TENT2: variants seen among roughly 807,000 people sequenced by gnomAD.
TENT2 encodes the protein poly(A) RNA polymerase GLD2.
In TENT2, 44 loss-of-function variants were observed where a neutral mutation model predicts 72.2. The ratio of observed to expected loss-of-function variants is 0.61; its 90% CI spans 0.48 to 0.78. The LOEUF (loss-of-function observed/expected upper bound fraction) is 0.78, where lower values mean the gene tolerates loss of function less well. TENT2 is among the 30% of genes least tolerant of loss of function. TENT2 has a pLI of 0.00. For synonymous variants in TENT2, 212 were observed against 192.5 expected (o/e 1.10, Z -0.84); for missense variants, 541 against 569.6 (o/e 0.95, Z 0.51).
chr5:79,644,527 T>G (rs930686979), intron 7 of TENT2: 1 of 152,190 alleles, frequency 6.6e-6, no homozygotes, highest in Admixed American at 6.5e-5. Flanking sequence ...TTATTATATG[T>G]TGTATATGAT....
chr5:79,655,736 T>A (rs1157965985), intron 10 of TENT2, among the ~76,000 whole-genome samples: 1 of 145,748 alleles, frequency 6.9e-6, no homozygotes, highest in Non-Finnish European at 1.5e-5. Flanking sequence ...TTCTGGTAAG[T>A]AATGATTGAG....
Position 79,623,472 on chromosome 5 carries a change from C to G in TENT2, c.448C>G (p.Pro150Ala). ...TTTAGAACCTAGAGAAATCACACTG[C>G]CTGAGGCCAAAGATAAGGTAATAAT... The part of the protein sequence containing the change: ...AFLEPREITL[P>A]EAKDKLSQQI... Residue 150 changes from proline (P) to alanine (A), a missense_variant, in exon 4 of 15, where the codon CCT (proline) becomes GCT (alanine). Physicochemically the swap from Pro to Ala is conservative, Grantham distance 27. Coordinates refer to ENST00000453514, the MANE Select transcript of TENT2 (RefSeq NM_001114394.3). 1.2e-6 allele frequency: 2 copies of G among 1,603,866 alleles called. No homozygotes were observed. Among genetic ancestry groups the G allele is most frequent in the Non-Finnish European group, 1.7e-6 (2 of 1,173,370 alleles).
intron 4 of TENT2, among the ~76,000 whole-genome samples, chr5:79,634,376 G>A (rs1393175828): frequency 6.6e-6 from 1 of 151,726 alleles, no homozygotes; most frequent in African/African-American, 2.4e-5. Context: ...TTGCTCTGTT[G>A]CCCAGGCTAG....
At chr5:79,643,105 C>A in intron 7 of TENT2, 195 bp downstream of exon 7, 1 of 472,332 alleles carries the variant, frequency 2.1e-6, no homozygotes, top group Non-Finnish European at 2.8e-6. Context: ...CTTTATTGCA[C>A]TTACTGCAAA....
rs539716836 is a variant in TENT2, at chr5:79,679,495, G to A, written c.1209-84G>A. ...TTCAGTGTTCCACAAGAAAATTGGGGTAGGCCTTAGTATTGATACAATAAA... is the reference window on the plus strand; with the variant it reads ...TTCAGTGTTCCACAAGAAAATTGGGATAGGCCTTAGTATTGATACAATAAA... On this transcript the variant is annotated intron_variant, in intron 12 of 14. Transcript: ENST00000453514. The A allele has an allele frequency of 9.5e-5, 81 of 854,410 alleles. No homozygotes were observed. In the African/African-American group the frequency reaches 1.3e-3, roughly 14 times the overall value. 52.9% of individuals were successfully genotyped at this position (854,410 alleles called of 1,614,324 possible). A position where few individuals can be genotyped will look rare whatever the true frequency, so the allele number is the denominator to read the frequency against.
At chr5:79,616,577 C>G (rs1361521546) in intron 1 of TENT2, among the ~76,000 whole-genome samples, 1 of 152,104 alleles carries the variant, frequency 6.6e-6, no homozygotes, top group Non-Finnish European at 1.5e-5. Context: ...CTCAGCCTCC[C>G]AAGGGATTAC....
chr5:79,658,223 T>G (rs1363701509), intron 11 of TENT2, among the ~76,000 whole-genome samples: 2 of 152,190 alleles, frequency 1.3e-5, no homozygotes, highest in Non-Finnish European at 2.9e-5. Context: ...TATGAAGAAT[T>G]ATTATAATGA....
intron 11 of TENT2, among the ~76,000 whole-genome samples, chr5:79,668,470 G>GA (rs1014186987): frequency 1.3e-5 from 2 of 152,124 alleles, no homozygotes; most frequent in African/African-American, 4.8e-5. Context: ...TGAAGTGACA[G>GA]AAAAAACTCT....
At chr5:79,659,568 A>AAGG (rs1561547549) in intron 11 of TENT2, among the ~76,000 whole-genome samples, 1 of 107,930 alleles carries the variant, frequency 9.3e-6, no homozygotes, top group Admixed American at 9.0e-5. Flanking sequence ...ATATATATAT[A>AAGG]TATATATATA....
At chr5:79,650,291 C>T (rs960798740) in intron 10 of TENT2, among the ~76,000 whole-genome samples, 2 of 152,010 alleles carry the variant, frequency 1.3e-5, no homozygotes, top group African/African-American at 2.4e-5. Flanking sequence ...CAGCAGTGAA[C>T]AACATACAAA....
At chr5:79,636,200 ACTTTT>A (rs978434237) in intron 4 of TENT2, among the ~76,000 whole-genome samples, 1 of 152,172 alleles carries the variant, frequency 6.6e-6, no homozygotes, top group African/African-American at 2.4e-5. Context: ...AAACTTGGAC[ACTTTT>A]CTTTTTAGCT....
chr5:79,621,769 A>AAC (rs1554074054), intron 3 of TENT2, among the ~76,000 whole-genome samples: 1 of 151,496 alleles, frequency 6.6e-6, no homozygotes, highest in African/African-American at 2.4e-5. Context: ...AAAAAAAAAA[A>AAC]AAACAAAAAA....
At chr5:79,659,554 ATGT>A (rs58011094) in intron 11 of TENT2, among the ~76,000 whole-genome samples, 6,361 of 47,286 alleles carry the variant, frequency 0.13, 1,331 homozygotes, top group African/African-American at 0.31. Context: ...AAAAAAAAAA[ATGT>A]ATATATATAT....
chr5:79,666,124 G>A (rs966431527), intron 11 of TENT2, among the ~76,000 whole-genome samples: 2 of 151,344 alleles, frequency 1.3e-5, no homozygotes, highest in African/African-American at 2.4e-5. Context: ...GAGTAGCTGG[G>A]ATTACAGGCG....
At position 79,685,408 on chromosome 5, in the gene TENT2, T is replaced by A. The variant is rs557219483; in HGVS notation, c.*135T>A. On this transcript the variant is annotated 3_prime_UTR_variant, in exon 15 of 15. Transcript: ENST00000453514. ...CATGTTTTATTTTTAAAAAGACATA[T>A]AAAGATTGCATATTTTATTATGACA... 1 of 544,006 alleles carries A rather than the reference T, an allele frequency of 1.8e-6. No individual in the cohort carries two copies. Among genetic ancestry groups the A allele is most frequent in the Non-Finnish European group, 3.1e-6 (1 of 326,326 alleles). 33.7% of individuals were successfully genotyped at this position (544,006 alleles called of 1,614,324 possible).
chr5:79,668,627 A>G (rs1810416667), intron 11 of TENT2: 1 of 322,294 alleles, frequency 3.1e-6, no homozygotes, highest in South Asian at 6.7e-5. Context: ...TGAGTTAGAA[A>G]ATCTTCTGCT....
intron 12 of TENT2, among the ~76,000 whole-genome samples, chr5:79,670,080 A>G (rs1357404844): frequency 2.0e-5 from 3 of 151,702 alleles, no homozygotes; most frequent in Non-Finnish European, 4.4e-5. Flanking sequence ...TTAGCTGGGC[A>G]TGGTGGTGCA....
intron 11 of TENT2, among the ~76,000 whole-genome samples, chr5:79,659,312 A>G (rs2150362890): frequency 6.6e-6 from 1 of 151,476 alleles, no homozygotes; most frequent in African/African-American, 2.4e-5. Context: ...AGGTGGGTGG[A>G]TCACGAGGTC....
chr5:79,652,191 G>A (rs1225987390), intron 10 of TENT2, among the ~76,000 whole-genome samples: 3 of 151,836 alleles, frequency 2.0e-5, no homozygotes, highest in South Asian at 2.1e-4. Flanking sequence ...ATGGTGTTAC[G>A]TAAATAATAG....
Sources: gnomAD v4.1 joint callset for allele counts (sites outside exome capture counted in the v4.1 genomes callset) on GRCh38, gnomAD v4.1.1 for gene constraint, MANE v1.5 for transcripts, NCBI Gene and HGNC (gene_info 2026-07-23, HGNC 2026-07-21) for gene names.